CAMSAP1: variants seen among roughly 807,000 people sequenced by gnomAD.
The protein encoded by CAMSAP1 is calmodulin regulated spectrin associated protein 1.
CAMSAP1 carries 58 observed loss-of-function variants against 143.5 expected under a neutral mutation model. The observed-to-expected ratio is 0.40, with a 90% CI of 0.33 to 0.50. The LOEUF (loss-of-function observed/expected upper bound fraction) is 0.50. Among genes scored for constraint, CAMSAP1 ranks in the 20% least tolerant of loss-of-function variants. The pLI is 0.45. For missense variants in CAMSAP1, 1,969 were observed against 2,115.7 expected, an observed-to-expected ratio of 0.93 and a Z score of 1.36; for synonymous variants, 945 against 859.3, an observed-to-expected ratio of 1.10 and a Z score of -1.74.
intron 7 of CAMSAP1, among the ~76,000 whole-genome samples, chr9:135,838,131 T>A (rs1015399093): frequency 1.4e-5 from 2 of 143,544 alleles, no homozygotes; most frequent in Non-Finnish European, 3.0e-5. Flanking sequence ...CATCACACAC[T>A]TTCTACCCGT....
At chr9:135,816,538 TCA>T (rs1303122679) in intron 14 of CAMSAP1, among the ~76,000 whole-genome samples, 1 of 152,180 alleles carries the variant, frequency 6.6e-6, no homozygotes. Flanking sequence ...ACACAGCTGC[TCA>T]GAGATGTCGG....
rs1228607861 is a variant in CAMSAP1, at chr9:135,882,329, A to C, written c.423+487T>G. ...CCGGGAACGCCATGGGAGCAACCAA[A>C]CAAAGGCAGTGCAGGAGGCACCGAG... On this transcript the variant is annotated intron_variant, in intron 2 of 16. Transcript: ENST00000389532. The surrounding 1 kb of genome is among the most constrained non-coding windows in gnomAD (Gnocchi z 4.9). Among the ~76,000 whole-genome samples the C allele has an allele frequency of 6.6e-6, 1 of 152,068 alleles. No individual in the cohort carries two copies. Among genetic ancestry groups the C allele is most frequent in the African/African-American group, 2.4e-5 (1 of 41,422 alleles).
intron 1 of CAMSAP1, among the ~76,000 whole-genome samples, chr9:135,895,154 G>T (rs1461196271): frequency 6.6e-6 from 1 of 152,174 alleles, no homozygotes; most frequent in African/African-American, 2.4e-5. Flanking sequence ...CCGGAGCCCA[G>T]ATCAAAGAGG....
intron 5 of CAMSAP1, among the ~76,000 whole-genome samples, chr9:135,856,560 T>C (rs1018402432): frequency 1.3e-5 from 2 of 152,138 alleles, no homozygotes; most frequent in African/African-American, 4.8e-5. Context: ...TCCCCTACCC[T>C]ATGACTAAGA....
chr9:135,808,971 G>A lies in CAMSAP1; in HGVS notation c.*2338C>T, dbSNP rs765543101. On this transcript the variant is annotated 3_prime_UTR_variant, in exon 17 of 17. Coordinates refer to ENST00000389532, the MANE Select transcript of CAMSAP1 (RefSeq NM_015447.4). ...CAAGGTTAGAATTCTGAGACACAAC[G>A]AAAGTTGTGCAAGCTTTCCGCTGAA... 5.9e-5 allele frequency: 9 copies of A among 152,184 alleles called. No homozygotes were observed. The South Asian group carries it at 6.2e-4, about 11-fold the overall frequency. The allele number at this position is 152,184 out of a possible 1,614,324, so 9.4% of individuals were successfully genotyped here.
chr9:135,831,671 A>G (rs777387976), intron 7 of CAMSAP1, among the ~76,000 whole-genome samples: 72 of 152,148 alleles, frequency 4.7e-4, no homozygotes, highest in Non-Finnish European at 7.6e-4. Context: ...AAACAATAGA[A>G]AAAATCAACA....
At chr9:135,867,700 C>G (rs1395324833) in intron 3 of CAMSAP1, among the ~76,000 whole-genome samples, 1 of 152,150 alleles carries the variant, frequency 6.6e-6, no homozygotes, top group Non-Finnish European at 1.5e-5. Flanking sequence ...GAAGACTAAA[C>G]AGAGTAAATC....
chr9:135,881,782 C>T lies in CAMSAP1; in HGVS notation c.436G>A (p.Ala146Thr). 1.3e-6 allele frequency: 2 copies of T among 1,552,050 alleles called. No homozygotes were observed. Among genetic ancestry groups the T allele is most frequent in the African/African-American group, 1.4e-5 (1 of 73,164 alleles). The change falls in exon 3 of 17, where the codon GCA (alanine) becomes ACA (threonine). Residue 146 changes from alanine (A) to threonine (T), a missense_variant. This residue lies in a region of CAMSAP1 where 215 missense variants were observed against 196.2 expected (regional missense o/e 1.10). Coordinates refer to ENST00000389532, the MANE Select transcript of CAMSAP1 (RefSeq NM_015447.4). Reference protein sequence around the residue: ...RAPIKMSAHMAMVDALMMAYT... With the variant: ...RAPIKMSAHMTMVDALMMAYT... ...GCCATCATCAGGGCATCCACCATTG[C>T]CATGTGGGCACTCTAGGGGCAGAGG...
In CAMSAP1 at chr9:135,811,326, C is replaced by A; in HGVS notation, c.4792G>T (p.Ala1598Ser). Residue 1598 changes from alanine to serine, a missense_variant, in exon 17 of 17, where the codon GCC (alanine) becomes TCC (serine). Transcript: ENST00000389532. The surrounding 1 kb of genome is among the most constrained non-coding windows in gnomAD (Gnocchi z 4.9). ...CACCGGGGTCATTTACGAGTCTGGG[C>A]CTTCTTTGGCACTGCAGGCCGCTTG... ...QPKRPAVPKK[A>S]QTRK The A allele has an allele frequency of 6.2e-7, 1 of 1,612,746 alleles. No individual in the cohort carries two copies.
At chr9:135,888,324 A>T (rs1286378471) in intron 1 of CAMSAP1, among the ~76,000 whole-genome samples, 2 of 152,218 alleles carry the variant, frequency 1.3e-5, no homozygotes, top group Non-Finnish European at 2.9e-5. Flanking sequence ...TGTCGACTGC[A>T]GCCCTCCCGC....
chr9:135,811,915 C>T lies in CAMSAP1; in HGVS notation c.4507-304G>A, dbSNP rs748515462. 4.6e-5 allele frequency among the ~76,000 whole-genome samples: 7 copies of T among 152,314 alleles called. No individual in the cohort carries two copies. The highest frequency in any genetic ancestry group is 1.9e-4 in the East Asian group (1 of 5,180). On this transcript the variant is annotated intron_variant, in intron 16 of 16. Coordinates refer to ENST00000389532, the MANE Select transcript of CAMSAP1 (RefSeq NM_015447.4). This position sits in a 1 kb window ranked among gnomAD's most constrained non-coding sequence, Gnocchi z 4.9. ...CAGAGAAATGCCAGTCAGAAAGAGA[C>T]GTCGCGTCATGCCCACAAGGACGGC...
At position 135,826,135 on chromosome 9, in the gene CAMSAP1, T is replaced by TGGGTGCAGACAACA. The variant is rs1276905298; in HGVS notation, c.1223+1258_1224-1256dup. 1 of 152,180 alleles carries TGGGTGCAGACAACA rather than the reference T, an allele frequency of 6.6e-6. No homozygotes were observed. Among genetic ancestry groups the TGGGTGCAGACAACA allele is most frequent in the Non-Finnish European group, 1.5e-5 (1 of 68,130 alleles). The allele number at this position is 152,180 out of a possible 1,614,324, so 9.4% of individuals were successfully genotyped here. The stretch of plus-strand genomic sequence containing the variant: ...TGGGAAAATTCTCACCACAGGCTGC[T>TGGGTGCAGACAACA]GGGTGCAGACAACAGGGTGCAGACA... On this transcript the variant is annotated intron_variant, in intron 8 of 16. Coordinates refer to ENST00000389532, the MANE Select transcript of CAMSAP1 (RefSeq NM_015447.4). The surrounding 1 kb of genome is among the most constrained non-coding windows in gnomAD (Gnocchi z 4.4).
intron 7 of CAMSAP1, among the ~76,000 whole-genome samples, chr9:135,829,354 A>AT (rs1260816879): frequency 6.6e-6 from 1 of 151,792 alleles, no homozygotes; most frequent in African/African-American, 2.4e-5. Flanking sequence ...AAAAAAAAAA[A>AT]ATTAAAGTAG....
At position 135,818,666 on chromosome 9, in the gene CAMSAP1, C is replaced by T; in HGVS notation, c.3960-50G>A. On this transcript the variant is annotated intron_variant, in intron 12 of 16. Coordinates refer to ENST00000389532, the MANE Select transcript of CAMSAP1 (RefSeq NM_015447.4). This position sits in a 1 kb window ranked among gnomAD's most constrained non-coding sequence, Gnocchi z 7.7. ...CTGCTCGGTCACGGGGCTTCTTCCA[C>T]GACGCCTGCGCCGCGGCGCTCTGTC... 2 of 1,588,370 alleles carry T rather than the reference C, an allele frequency of 1.3e-6. No homozygotes were observed. The highest frequency in any genetic ancestry group is 1.7e-6 in the Non-Finnish European group (2 of 1,165,448).
At chr9:135,855,575 C>T (rs78695748) in intron 5 of CAMSAP1, among the ~76,000 whole-genome samples, 1 of 151,444 alleles carries the variant, frequency 6.6e-6, no homozygotes, top group East Asian at 2.0e-4. Flanking sequence ...CCCATCTCTA[C>T]TAAAAATATT....
At position 135,821,245 on chromosome 9, in the gene CAMSAP1, C is replaced by T; in HGVS notation, c.3416G>A (p.Ser1139Asn). ...TLPHLRPFPA[S>N]SHPRTPTDPG... is the part of the protein sequence containing the mutation. Reference sequence around the variant, plus strand: ...GTCCGTGGGCGTCCGAGGGTGGCTGCTGGCAGGGAAGGGTCTCAAGTGCGG... The same window carrying T: ...GTCCGTGGGCGTCCGAGGGTGGCTGTTGGCAGGGAAGGGTCTCAAGTGCGG... The change falls in exon 11 of 17, where the codon AGC becomes AAC. Residue 1139 changes from serine (S) to asparagine (N), a missense_variant. By Grantham distance (46) the Ser-to-Asn change is conservative. Transcript: ENST00000389532. This position sits in a 1 kb window ranked among gnomAD's most constrained non-coding sequence, Gnocchi z 4.6. 1 of 1,608,426 alleles carries T rather than the reference C, an allele frequency of 6.2e-7. No individual in the cohort carries two copies. Among genetic ancestry groups the T allele is most frequent in the Middle Eastern group, 1.7e-4 (1 of 6,060 alleles).
At chr9:135,878,005 G>A (rs1837810038) in intron 3 of CAMSAP1, among the ~76,000 whole-genome samples, 1 of 152,216 alleles carries the variant, frequency 6.6e-6, no homozygotes, top group Non-Finnish European at 1.5e-5. Context: ...GCCTGGAAGA[G>A]AGAAGACAGC....
intron 7 of CAMSAP1, among the ~76,000 whole-genome samples, chr9:135,839,991 C>T (rs1469642876): frequency 6.6e-6 from 1 of 152,318 alleles, no homozygotes; most frequent in East Asian, 1.9e-4. Context: ...AGACTAAGAG[C>T]ACAGACTACC....
At chr9:135,850,603 TACA>T in intron 5 of CAMSAP1, 142 bp from the exon 6 acceptor site, 1 of 638,962 alleles carries the variant, frequency 1.6e-6, no homozygotes, top group Non-Finnish European at 2.5e-6. Flanking sequence ...GTATAGGATG[TACA>T]ACAAGTAACA....
Sources: allele counts gnomAD v4.1 joint callset (sites outside exome capture counted in the v4.1 genomes callset), GRCh38; gene constraint gnomAD v4.1.1; regional missense constraint gnomAD v4.1.1; non-coding constraint Gnocchi (gnomAD v3.1); transcripts MANE v1.5; gene names NCBI Gene and HGNC (gene_info 2026-07-23, HGNC 2026-07-21).